The following GABRG1 variants were observed in gnomAD, a reference collection of about 807,000 sequenced individuals.
The protein encoded by GABRG1 is gamma-aminobutyric acid receptor subunit gamma-1.
Under a neutral mutation model 49.8 loss-of-function variants are expected in GABRG1, and 49 were observed. The ratio of observed to expected loss-of-function variants is 0.98; its 90% CI spans 0.78 to 1.25. The LOEUF is 1.25. GABRG1 is among the 50% of genes most tolerant of loss of function. The pLI, the probability that GABRG1 is intolerant of heterozygous loss-of-function variation, is 0.00. For missense variants in GABRG1, 552 were observed against 552.3 expected, an observed-to-expected ratio of 1.00 and a Z score of 0.01; for synonymous variants, 232 against 185.1, an observed-to-expected ratio of 1.25 and a Z score of -2.06.
At chr4:46,108,319 T>C (rs971800466) in intron 1 of GABRG1, among the ~76,000 whole-genome samples, 1 of 151,110 alleles carries the variant, frequency 6.6e-6, no homozygotes, top group African/African-American at 2.4e-5. Flanking sequence ...ATTCAGTTTA[T>C]ATGTCACTAA....
intron 3 of GABRG1, among the ~76,000 whole-genome samples, chr4:46,079,025 GT>G (rs1012841151): frequency 3.3e-5 from 5 of 150,400 alleles, no homozygotes; most frequent in Non-Finnish European, 5.9e-5. Flanking sequence ...AATAAATAAT[GT>G]TTGTGACTTC....
At chr4:46,048,672 A>G (rs963449182) in intron 8 of GABRG1, among the ~76,000 whole-genome samples, 3 of 151,396 alleles carry the variant, frequency 2.0e-5, no homozygotes, top group Non-Finnish European at 3.0e-5. Flanking sequence ...AGAAGGAAGG[A>G]AGGAAGGAAA....
chr4:46,062,815 C>G (rs1718753778), intron 5 of GABRG1, among the ~76,000 whole-genome samples: 1 of 152,146 alleles, frequency 6.6e-6, no homozygotes, highest in South Asian at 2.1e-4. Context: ...GCAAATTCAG[C>G]AAAGTCTCAG....
In GABRG1 at chr4:46,123,766, G is replaced by A. The variant is rs746205096; in HGVS notation, c.104+44C>T. ...AAAAGAAAGGGGAATAAGGGGAAAGGGGTAGATAGCAAAGAATAGTTTTAA... is the reference window on the plus strand; with the variant it reads ...AAAAGAAAGGGGAATAAGGGGAAAGAGGTAGATAGCAAAGAATAGTTTTAA... On this transcript the variant is annotated intron_variant, in intron 1 of 8. Coordinates refer to ENST00000295452, the MANE Select transcript of GABRG1 (RefSeq NM_173536.4). 1.7e-5 allele frequency: 23 copies of A among 1,363,464 alleles called. No individual in the cohort carries two copies. In the Middle Eastern group the frequency reaches 7.2e-4, roughly 43 times the overall value. 84.5% of individuals were successfully genotyped at this position (1,363,464 alleles called of 1,614,324 possible).
chr4:46,086,840 A>T lies in GABRG1; in HGVS notation c.254-2787T>A, dbSNP rs540655492. ...CTTGCCCATATACAGGTTTATTTTT[A>T]TCAACCTACTCAAATTTCTATGAAT... On this transcript the variant is annotated intron_variant, in intron 2 of 8. Coordinates refer to ENST00000295452, the MANE Select transcript of GABRG1 (RefSeq NM_173536.4). 5.9e-5 allele frequency among the ~76,000 whole-genome samples: 9 copies of T among 151,702 alleles called. No homozygotes were observed. The South Asian group carries it at 1.9e-3, about 31-fold the overall frequency.
At chr4:46,118,814 A>AG (rs962692796) in intron 1 of GABRG1, among the ~76,000 whole-genome samples, 27 of 151,238 alleles carry the variant, frequency 1.8e-4, no homozygotes, top group African/African-American at 6.5e-4. Context: ...AAATAAAAAA[A>AG]ACTATAAATT....
intron 1 of GABRG1, among the ~76,000 whole-genome samples, chr4:46,112,849 T>C (rs1280572646): frequency 6.6e-6 from 1 of 150,918 alleles, no homozygotes; most frequent in Non-Finnish European, 1.5e-5. Context: ...ATATCGCTGA[T>C]GGGATTATTC....
At chr4:46,113,776 C>T (rs186041361) in intron 1 of GABRG1, among the ~76,000 whole-genome samples, 65 of 151,220 alleles carry the variant, frequency 4.3e-4, no homozygotes, top group African/African-American at 1.4e-3. Context: ...CAGCATCTGT[C>T]ACACACAGGG....
chr4:46,077,027 G>T (rs1719372114), intron 3 of GABRG1, among the ~76,000 whole-genome samples: 1 of 149,682 alleles, frequency 6.7e-6, no homozygotes, highest in Non-Finnish European at 1.5e-5. Flanking sequence ...ACATTTAACG[G>T]ATTTCTTAAA....
At position 46,065,350 on chromosome 4, in the gene GABRG1, TA is replaced by T; in HGVS notation, c.542+13del. Reference sequence around the variant, plus strand: ...ATAAATGAGAGCAACTACAGATTTTTAAACCAATATTACCTTAGAGTATACA... The same window carrying T: ...ATAAATGAGAGCAACTACAGATTTTTAACCAATATTACCTTAGAGTATACA... On this transcript the variant is annotated intron_variant, in intron 4 of 8. Transcript: ENST00000295452. 6.8e-7 allele frequency: 1 copy of T among 1,476,032 alleles called. No homozygotes were observed. Among genetic ancestry groups the T allele is most frequent in the Non-Finnish European group, 9.4e-7 (1 of 1,068,692 alleles). 91.4% of individuals were successfully genotyped at this position (1,476,032 alleles called of 1,614,324 possible).
At chr4:46,061,814 A>G (rs71609462) in intron 5 of GABRG1, among the ~76,000 whole-genome samples, 3,251 of 144,676 alleles carry the variant, frequency 0.022, 139 homozygotes, top group African/African-American at 0.075. Context: ...TACCACTTAC[A>G]TTTTTTTTTT....
intron 1 of GABRG1, among the ~76,000 whole-genome samples, chr4:46,097,805 G>T (rs1490404196): frequency 6.6e-6 from 1 of 151,562 alleles, no homozygotes. Flanking sequence ...TAGAAAAGAA[G>T]AATTAAGAAA....
At chr4:46,073,036 T>C (rs1719194565) in intron 3 of GABRG1, among the ~76,000 whole-genome samples, 1 of 151,822 alleles carries the variant, frequency 6.6e-6, no homozygotes, top group African/African-American at 2.4e-5. Context: ...ATGTCAAGAG[T>C]TGTCATATGC....
At chr4:46,101,023 A>C (rs148679328) in intron 1 of GABRG1, among the ~76,000 whole-genome samples, 71 of 151,714 alleles carry the variant, frequency 4.7e-4, no homozygotes, top group African/African-American at 1.7e-3. Flanking sequence ...TAATTTTAAA[A>C]ACATAGCACT....
At chr4:46,080,346 G>T (rs1719517117) in intron 3 of GABRG1, among the ~76,000 whole-genome samples, 2 of 151,716 alleles carry the variant, frequency 1.3e-5, no homozygotes, top group South Asian at 4.2e-4. Flanking sequence ...TATGAAAAGT[G>T]AATTCTAATT....
intron 2 of GABRG1, among the ~76,000 whole-genome samples, chr4:46,084,476 C>A (rs1719682851): frequency 6.6e-6 from 1 of 151,718 alleles, no homozygotes; most frequent in African/African-American, 2.4e-5. Flanking sequence ...GGCTGAATAT[C>A]TATTCAGTCT....
chr4:46,082,216 CTA>C (rs1719603288), intron 3 of GABRG1, among the ~76,000 whole-genome samples: 1 of 151,742 alleles, frequency 6.6e-6, no homozygotes, highest in African/African-American at 2.4e-5. Flanking sequence ...TAATAAAACA[CTA>C]TTTATTCTAT....
intron 1 of GABRG1, among the ~76,000 whole-genome samples, chr4:46,117,729 TATATAC>T (rs1720954213): frequency 6.9e-6 from 1 of 144,158 alleles, no homozygotes; most frequent in African/African-American, 2.5e-5. Context: ...TACATATACA[TATATAC>T]ATATACACAT....
chr4:46,115,733 G>A (rs1720864034), intron 1 of GABRG1, among the ~76,000 whole-genome samples: 1 of 150,628 alleles, frequency 6.6e-6, no homozygotes, highest in South Asian at 2.1e-4. Flanking sequence ...ATCTAAAATA[G>A]GAAACAAATA....
Sources: gnomAD v4.1 joint callset for allele counts (sites outside exome capture counted in the v4.1 genomes callset) on GRCh38, gnomAD v4.1.1 for gene constraint, MANE v1.5 for transcripts, NCBI Gene and HGNC (gene_info 2026-07-23, HGNC 2026-07-21) for gene names.